AGBL4: variants seen among roughly 807,000 people sequenced by gnomAD.
AGBL4 encodes the protein AGBL carboxypeptidase 4.
A neutral mutation model predicts 66.4 loss-of-function variants in AGBL4; 58 were observed. The ratio of observed to expected loss-of-function variants is 0.87; its 90% CI spans 0.71 to 1.09. The LOEUF is 1.09. Ranked by LOEUF, AGBL4 falls within the 50% of genes least tolerant of loss-of-function variation. The probability of loss-of-function intolerance (pLI) is 0.00; values close to 1 mark genes in which losing one functional copy is unlikely to be tolerated. For synonymous variants in AGBL4, 234 were observed against 222.9 expected (o/e 1.05, Z -0.44); for missense variants, 579 against 631.0 (o/e 0.92, Z 0.88).
intron 1 of AGBL4, among the ~76,000 whole-genome samples, chr1:49,969,810 CA>C (rs1352639950): frequency 6.6e-6 from 1 of 152,140 alleles, no homozygotes; most frequent in Non-Finnish European, 1.5e-5. Flanking sequence ...AATGCTTCTT[CA>C]ATGAACATGG....
chr1:49,474,193 C>T (rs1646803841), intron 3 of AGBL4, among the ~76,000 whole-genome samples: 1 of 152,010 alleles, frequency 6.6e-6, no homozygotes, highest in Non-Finnish European at 1.5e-5. Context: ...ATAGAAATAG[C>T]ATTGAATCTG....
intron 6 of AGBL4, among the ~76,000 whole-genome samples, chr1:48,811,613 T>A (rs538897443): frequency 4.6e-5 from 7 of 152,296 alleles, no homozygotes; most frequent in African/African-American, 9.6e-5. Flanking sequence ...CAACTAGTAT[T>A]TTTTTAAGTC....
intron 2 of AGBL4, among the ~76,000 whole-genome samples, chr1:49,747,164 T>A (rs1482240078): frequency 6.6e-6 from 1 of 152,168 alleles, no homozygotes; most frequent in Admixed American, 6.6e-5. Context: ...ATTAATATGA[T>A]ATTTTATTTT....
intron 9 of AGBL4, among the ~76,000 whole-genome samples, chr1:48,617,800 G>C (rs1025630701): frequency 6.6e-6 from 1 of 152,116 alleles, no homozygotes; most frequent in Admixed American, 6.5e-5. Context: ...CTTACACCTT[G>C]CTCTGCTCTA....
At chr1:48,603,884 T>C (rs1199315068) in intron 9 of AGBL4, among the ~76,000 whole-genome samples, 1 of 152,102 alleles carries the variant, frequency 6.6e-6, no homozygotes, top group Admixed American at 6.6e-5. Flanking sequence ...GGTAGGTGGA[T>C]CACCTGAGGT....
At chr1:49,774,173 G>T (rs562396130) in intron 2 of AGBL4, among the ~76,000 whole-genome samples, 1 of 152,282 alleles carries the variant, frequency 6.6e-6, no homozygotes, top group African/African-American at 2.4e-5. Flanking sequence ...GTCCAAATTG[G>T]ACTCAAGGTC....
chr1:48,960,369 C>A (rs1031275232), intron 5 of AGBL4, among the ~76,000 whole-genome samples: 3 of 152,094 alleles, frequency 2.0e-5, no homozygotes, highest in Admixed American at 6.6e-5. Flanking sequence ...TATGCTTATC[C>A]AAGCCAAGAT....
intron 4 of AGBL4, among the ~76,000 whole-genome samples, chr1:49,126,082 C>T (rs777873285): frequency 1.3e-5 from 2 of 152,146 alleles, no homozygotes; most frequent in Non-Finnish European, 2.9e-5. Flanking sequence ...AACCCCACAA[C>T]ACAAGTCCAA....
At chr1:49,766,402 AC>A (rs927467046) in intron 2 of AGBL4, among the ~76,000 whole-genome samples, 4 of 152,182 alleles carry the variant, frequency 2.6e-5, no homozygotes, top group Admixed American at 2.6e-4. Context: ...GGAATTCATT[AC>A]CACTAGACAA....
intron 11 of AGBL4, among the ~76,000 whole-genome samples, chr1:48,580,826 A>G (rs1644728474): frequency 6.6e-6 from 1 of 152,114 alleles, no homozygotes; most frequent in Admixed American, 6.5e-5. Flanking sequence ...ATATTTATTA[A>G]TCACCTGCTG....
intron 9 of AGBL4, among the ~76,000 whole-genome samples, chr1:48,625,491 G>C (rs775621823): frequency 6.6e-6 from 1 of 152,230 alleles, no homozygotes; most frequent in East Asian, 1.9e-4. Flanking sequence ...TGGGAGCTGC[G>C]GCTGGGGGAC....
chr1:49,942,261 A>T (rs1188496851), intron 1 of AGBL4, among the ~76,000 whole-genome samples: 1 of 152,108 alleles, frequency 6.6e-6, no homozygotes, highest in African/African-American at 2.4e-5. Flanking sequence ...GTCCATACTA[A>T]ACAAAGCAAT....
At chr1:48,544,977 C>T (rs1166899084) in intron 11 of AGBL4, among the ~76,000 whole-genome samples, 1 of 152,152 alleles carries the variant, frequency 6.6e-6, no homozygotes, top group Non-Finnish European at 1.5e-5. Flanking sequence ...ACTGTGTGAC[C>T]TTGCATGAGC....
intron 1 of AGBL4, among the ~76,000 whole-genome samples, chr1:49,994,042 C>T (rs578208852): frequency 1.3e-5 from 2 of 152,194 alleles, no homozygotes; most frequent in East Asian, 1.9e-4. Flanking sequence ...TTCAGCTGTA[C>T]GATGTTTTTG....
At chr1:49,799,774 C>T (rs1301491287) in intron 2 of AGBL4, among the ~76,000 whole-genome samples, 4 of 152,106 alleles carry the variant, frequency 2.6e-5, no homozygotes, top group East Asian at 1.9e-4. Flanking sequence ...CTGCCTCAGG[C>T]GAGTAGTTGT....
At chr1:49,566,089 G>A (rs1024678318) in intron 3 of AGBL4, among the ~76,000 whole-genome samples, 6 of 152,060 alleles carry the variant, frequency 3.9e-5, no homozygotes, top group East Asian at 1.9e-4. Context: ...CCCGTTGATC[G>A]CATCAGTTAC....
chr1:49,056,873 T>C (rs891693514), intron 4 of AGBL4, among the ~76,000 whole-genome samples: 2 of 152,156 alleles, frequency 1.3e-5, no homozygotes, highest in African/African-American at 4.8e-5. Context: ...AAGTCAAAAA[T>C]GGTATCAATT....
chr1:49,314,475 T>C (rs1229196072), intron 3 of AGBL4, among the ~76,000 whole-genome samples: 5 of 152,002 alleles, frequency 3.3e-5, no homozygotes, highest in Admixed American at 2.6e-4. Context: ...AGTGAGAACA[T>C]GTGGTGTTTG....
At chr1:49,550,043 T>C (rs1020373430) in intron 3 of AGBL4, among the ~76,000 whole-genome samples, 2 of 152,216 alleles carry the variant, frequency 1.3e-5, no homozygotes, top group African/African-American at 4.8e-5. Flanking sequence ...ATGTCCCTCT[T>C]TGTCTCTTGT....
Sources: allele counts gnomAD v4.1 joint callset (sites outside exome capture counted in the v4.1 genomes callset), GRCh38; gene constraint gnomAD v4.1.1; transcripts MANE v1.5; gene names NCBI Gene and HGNC (gene_info 2026-07-23, HGNC 2026-07-21).